Variants in TAX1BP1 observed in about 807,000 individuals in gnomAD.
TAX1BP1 encodes the protein Tax1 binding protein 1.
Under a neutral mutation model 97.7 loss-of-function variants are expected in TAX1BP1, and 62 were observed. That is an observed-to-expected ratio of 0.63 (90% CI 0.52 to 0.78). The LOEUF (loss-of-function observed/expected upper bound fraction) is 0.78, where lower values mean the gene tolerates loss of function less well. Ranked by LOEUF, TAX1BP1 falls within the 30% of genes least tolerant of loss-of-function variation. The pLI is 0.00. For synonymous variants in TAX1BP1, 340 were observed against 304.2 expected (o/e 1.12, Z -1.23); for missense variants, 867 against 916.1 (o/e 0.95, Z 0.69).
Position 27,776,676 on chromosome 7 carries a change from G to T in TAX1BP1, c.612+6842G>T, listed in dbSNP as rs560183007. ...ACCTTTTTGTATCTGTATACTTATG[G>T]TTTTCATTAAATTTTGAAAATTTTA... On this transcript the variant is annotated intron_variant, in intron 5 of 16. Transcript: ENST00000396319. Among the ~76,000 whole-genome samples the T allele has an allele frequency of 7.9e-5, 12 of 151,150 alleles. No individual in the cohort carries two copies. The South Asian group carries it at 2.5e-3, about 32-fold the overall frequency.
chr7:27,743,755 T>G, intron 1 of TAX1BP1, among the ~76,000 whole-genome samples: 2 of 149,676 alleles, frequency 1.3e-5, no homozygotes, highest in Non-Finnish European at 3.0e-5. Context: ...TTACAGTTAG[T>G]TTAGTATCTT....
At chr7:27,799,865 G>A (rs1790066628) in intron 12 of TAX1BP1, 100 bp from the exon 13 acceptor site, 8 of 862,356 alleles carry the variant, frequency 9.3e-6, no homozygotes, top group Non-Finnish European at 1.3e-5. Context: ...TGTTACAACA[G>A]TGTTATAATA....
At chr7:27,821,634 C>CAAA (rs372220008) in intron 15 of TAX1BP1, among the ~76,000 whole-genome samples, 3 of 125,326 alleles carry the variant, frequency 2.4e-5, no homozygotes, top group Non-Finnish European at 1.7e-5. Flanking sequence ...GACTCGGTCT[C>CAAA]AAAAAAAAAA....
rs540828618 is a variant in TAX1BP1 at position 27,779,058 on chromosome 7, C to CT, written c.613-6097dup. ...CTACTTTCTCTGTCTCTATATTTGC[C>CT]TTTTTTTTAATATTTGTTTAATGAT... On this transcript the variant is annotated intron_variant, in intron 5 of 16. Coordinates refer to ENST00000396319, the MANE Select transcript of TAX1BP1 (RefSeq NM_006024.7). Among the ~76,000 whole-genome samples, 868 of 151,740 alleles carry CT rather than the reference C, an allele frequency of 5.7e-3. 2 individuals are homozygous for CT. Among genetic ancestry groups the CT allele is most frequent in the South Asian group, 0.011 (52 of 4,788 alleles).
At chr7:27,749,401 T>G (rs998680544) in intron 2 of TAX1BP1, among the ~76,000 whole-genome samples, 5 of 152,216 alleles carry the variant, frequency 3.3e-5, no homozygotes, top group Admixed American at 2.6e-4. Context: ...CACATTCACT[T>G]TTCTCCTGTG....
Position 27,787,018 on chromosome 7 carries a change from G to A in TAX1BP1, c.853-400G>A, listed in dbSNP as rs1005354383. 4.6e-5 allele frequency among the ~76,000 whole-genome samples: 7 copies of A among 152,176 alleles called. No individual in the cohort carries two copies. The South Asian group carries it at 1.2e-3, about 27-fold the overall frequency. ...AGAAAATGGAATTGTTTGAGATGTT[G>A]TTTTTGAATGCACCCCTTCTAGTTT... On this transcript the variant is annotated intron_variant, in intron 7 of 16. Transcript: ENST00000396319.
At chr7:27,761,180 A>G (rs2128310262) in intron 3 of TAX1BP1, among the ~76,000 whole-genome samples, 1 of 152,340 alleles carries the variant, frequency 6.6e-6, no homozygotes, top group South Asian at 2.1e-4. Flanking sequence ...AAAAATTAAC[A>G]TACTTTTTTG....
At chr7:27,763,809 C>T (rs1269256297) in intron 3 of TAX1BP1, among the ~76,000 whole-genome samples, 1 of 151,492 alleles carries the variant, frequency 6.6e-6, no homozygotes, top group Non-Finnish European at 1.5e-5. Context: ...CTAGTTTGTA[C>T]AGTTTCTAAT....
intron 1 of TAX1BP1, among the ~76,000 whole-genome samples, chr7:27,746,784 A>C (rs943453296): frequency 1.3e-5 from 2 of 152,184 alleles, no homozygotes; most frequent in African/African-American, 4.8e-5. Context: ...GATACTCTAC[A>C]GTGGTTTCCA....
chr7:27,777,769 C>A (rs1789087589), intron 5 of TAX1BP1, among the ~76,000 whole-genome samples: 1 of 152,164 alleles, frequency 6.6e-6, no homozygotes, highest in Non-Finnish European at 1.5e-5. Context: ...TGCCCTGTGG[C>A]CTTAAAAGTC....
At position 27,788,115 on chromosome 7, in the gene TAX1BP1, GAT is replaced by G. The variant is rs564120254; in HGVS notation, c.1038+515_1038+516del. ...GTGTCCCTACACTTTTTATGACATTGATATTTTTGGAGAAGACAGGCTAGTCT... is the reference window on the plus strand; with the variant it reads ...GTGTCCCTACACTTTTTATGACATTGATTTTTGGAGAAGACAGGCTAGTCT... On this transcript the variant is annotated intron_variant, in intron 8 of 16. Transcript: ENST00000396319. Among the ~76,000 whole-genome samples, 453 of 151,970 alleles carry G rather than the reference GAT, an allele frequency of 3.0e-3. 3 individuals are homozygous for G. The highest frequency in any genetic ancestry group is 0.01 in the African/African-American group (430 of 41,540).
chr7:27,770,538 G>T (rs1376030221), intron 5 of TAX1BP1, among the ~76,000 whole-genome samples: 1 of 152,036 alleles, frequency 6.6e-6, no homozygotes, highest in Admixed American at 6.5e-5. Flanking sequence ...AGCCGGTTGG[G>T]CATATTTATG....
chr7:27,771,564 C>T (rs1467287279), intron 5 of TAX1BP1, among the ~76,000 whole-genome samples: 1 of 151,958 alleles, frequency 6.6e-6, no homozygotes, highest in East Asian at 1.9e-4. Context: ...ATTCTCTGTG[C>T]TCTCCAGGTG....
At chr7:27,801,242 A>ATTTT (rs33986454) in intron 13 of TAX1BP1, among the ~76,000 whole-genome samples, 1 of 145,916 alleles carries the variant, frequency 6.9e-6, no homozygotes, top group Non-Finnish European at 1.5e-5. Flanking sequence ...TATAATTTAC[A>ATTTT]TTTTTTTTTT....
In TAX1BP1 at chr7:27,813,145, C is replaced by CTTTTTTTTTTTT. The variant is rs57301512; in HGVS notation, c.1765-3193_1765-3182dup. 2.0e-4 allele frequency among the ~76,000 whole-genome samples: 22 copies of CTTTTTTTTTTTT among 108,942 alleles called. 1 individual carries two copies. Among genetic ancestry groups the CTTTTTTTTTTTT allele is most frequent in the Non-Finnish European group, 3.4e-4 (19 of 56,358 alleles). 71.5% of individuals were successfully genotyped at this position (108,942 alleles called of 152,430 possible). A position where few individuals can be genotyped will look rare whatever the true frequency, so the allele number is the denominator to read the frequency against. ...TCATAAGTCCTCCAACTTTGTTCTG[C>CTTTTTTTTTTTT]TTTTTTTTTTTTTTTTTTTTTTCTT... is the stretch of plus-strand genomic sequence containing the variant. On this transcript the variant is annotated intron_variant, in intron 13 of 16. Coordinates refer to ENST00000396319, the MANE Select transcript of TAX1BP1 (RefSeq NM_006024.7).
At chr7:27,793,505 A>G (rs1480501248) in intron 10 of TAX1BP1, among the ~76,000 whole-genome samples, 1 of 152,184 alleles carries the variant, frequency 6.6e-6, no homozygotes, top group East Asian at 1.9e-4. Flanking sequence ...TCAAAACTCA[A>G]TACTTATTAT....
At chr7:27,746,600 A>G (rs1787830277) in intron 1 of TAX1BP1, among the ~76,000 whole-genome samples, 1 of 152,066 alleles carries the variant, frequency 6.6e-6, no homozygotes, top group African/African-American at 2.4e-5. Flanking sequence ...CATTTTTCTG[A>G]TGGCTTTAGG....
intron 5 of TAX1BP1, among the ~76,000 whole-genome samples, chr7:27,783,834 C>G (rs747346563): frequency 2.6e-5 from 4 of 152,084 alleles, no homozygotes; most frequent in Non-Finnish European, 5.9e-5. Context: ...AAGACAAATC[C>G]TGAAAATGTG....
At chr7:27,741,547 C>T (rs1445580366) in intron 1 of TAX1BP1, among the ~76,000 whole-genome samples, 1 of 149,906 alleles carries the variant, frequency 6.7e-6, no homozygotes, top group Non-Finnish European at 1.5e-5. Context: ...GTCTCCCAGG[C>T]TGGAGTGCAG....
Sources: gnomAD v4.1 joint callset for allele counts (sites outside exome capture counted in the v4.1 genomes callset) on GRCh38, gnomAD v4.1.1 for gene constraint, MANE v1.5 for transcripts, NCBI Gene and HGNC (gene_info 2026-07-23, HGNC 2026-07-21) for gene names.